Variants in SEM1 observed in about 807,000 individuals in gnomAD.
The protein encoded by SEM1 is 26S proteasome complex subunit SEM1.
Under a neutral mutation model 12.7 loss-of-function variants are expected in SEM1, and 3 were observed. That is an observed-to-expected ratio of 0.24 (90% CI 0.11 to 0.61). SEM1 has a LOEUF of 0.61. SEM1 is among the 20% of genes least tolerant of loss of function. The pLI, the probability that SEM1 is intolerant of heterozygous loss-of-function variation, is 0.88. For missense variants in SEM1, 59 were observed against 81.3 expected (o/e 0.73, Z 1.06); for synonymous variants, 30 against 27.8 (o/e 1.08, Z -0.25).
At chr7:96,636,572 G>A (rs1023187972) in intron 2 of SEM1, among the ~76,000 whole-genome samples, 1 of 152,004 alleles carries the variant, frequency 6.6e-6, no homozygotes. Flanking sequence ...TAAGTAACAT[G>A]TATAACCAGG....
chr7:96,551,211 G>A (rs1009831933), intron 2 of SEM1, among the ~76,000 whole-genome samples: 2 of 152,102 alleles, frequency 1.3e-5, no homozygotes, highest in African/African-American at 2.4e-5. Context: ...TTTTGGCCAC[G>A]TTTACCAAAA....
intron 2 of SEM1, among the ~76,000 whole-genome samples, chr7:96,626,169 C>A (rs945705408): frequency 6.6e-6 from 1 of 152,130 alleles, no homozygotes; most frequent in African/African-American, 2.4e-5. Flanking sequence ...CCCTTCCAAA[C>A]CCCCATTGAC....
intron 2 of SEM1, among the ~76,000 whole-genome samples, chr7:96,512,523 GC>G (rs1198490054): frequency 9.2e-5 from 14 of 152,070 alleles, no homozygotes; most frequent in African/African-American, 3.4e-4. Flanking sequence ...ATAATTTCTG[GC>G]TGTCCAAGTT....
At chr7:96,653,276 G>A (rs1809061313) in intron 2 of SEM1, among the ~76,000 whole-genome samples, 1 of 152,104 alleles carries the variant, frequency 6.6e-6, no homozygotes, top group Non-Finnish European at 1.5e-5. Flanking sequence ...TTTAAAAAAT[G>A]GAAGGTAGAT....
intron 2 of SEM1, among the ~76,000 whole-genome samples, chr7:96,665,385 T>G (rs2116547958): frequency 6.6e-6 from 1 of 152,304 alleles, no homozygotes; most frequent in Middle Eastern, 3.4e-3. Flanking sequence ...CGCCTAAAAA[T>G]ATGGCCTTGG....
At chr7:96,558,837 A>G (rs1805610271) in intron 2 of SEM1, among the ~76,000 whole-genome samples, 1 of 152,212 alleles carries the variant, frequency 6.6e-6, no homozygotes, top group Admixed American at 6.5e-5. Context: ...AAATTATTGC[A>G]TTTATTAAAG....
chr7:96,484,941 CT>C, intron 2 of SEM1: 1 of 754,368 alleles, frequency 1.3e-6, no homozygotes, highest in Non-Finnish European at 2.0e-6. Context: ...ACACCATATC[CT>C]ACAGTCAGCT....
chr7:96,507,538 C>T (rs1181374676), intron 2 of SEM1, among the ~76,000 whole-genome samples: 4 of 152,046 alleles, frequency 2.6e-5, no homozygotes. Context: ...GCAAGATGAC[C>T]ATTCTTAGTC....
intron 2 of SEM1, among the ~76,000 whole-genome samples, chr7:96,676,295 T>C (rs1452616199): frequency 1.3e-5 from 2 of 152,216 alleles, no homozygotes; most frequent in Admixed American, 1.3e-4. Context: ...TGGGCTCTTC[T>C]GCTGCCTTTC....
chr7:96,483,559 A>G (rs966744605), exon 4 of SEM1: 19 of 396,000 alleles, frequency 4.8e-5, no homozygotes, highest in East Asian at 1.2e-4. Context: ...TACAGACTCT[A>G]CTGGGCTCTA....
chr7:96,566,612 G>C (rs62471404), intron 2 of SEM1, among the ~76,000 whole-genome samples: 1 of 151,154 alleles, frequency 6.6e-6, no homozygotes, highest in Non-Finnish European at 1.5e-5. Flanking sequence ...TGAATTTATA[G>C]TATTCTATTG....
intron 2 of SEM1, among the ~76,000 whole-genome samples, chr7:96,656,006 C>T (rs1809168379): frequency 6.6e-6 from 1 of 152,202 alleles, no homozygotes; most frequent in Admixed American, 6.5e-5. Context: ...TTCACAGGAT[C>T]TAACAGAATC....
At chr7:96,687,575 T>C (rs1280090608), downstream of SEM1, among the ~76,000 whole-genome samples, 1 of 151,744 alleles carries the variant, frequency 6.6e-6, no homozygotes, top group Non-Finnish European at 1.5e-5. Context: ...TAGATGGGAA[T>C]TGAACAATGA....
chr7:96,492,758 CAT>C (rs1491289059), intron 1 of SEM1, among the ~76,000 whole-genome samples: 66 of 94,724 alleles, frequency 7.0e-4, no homozygotes, highest in Middle Eastern at 5.5e-3. Context: ...GAATAATATT[CAT>C]GTGTGTGTGT....
At chr7:96,660,011 A>G (rs565596458) in intron 2 of SEM1, among the ~76,000 whole-genome samples, 1 of 152,086 alleles carries the variant, frequency 6.6e-6, no homozygotes, top group South Asian at 2.1e-4. Context: ...AGAGTTTCAG[A>G]TTGGATAAAA....
chr7:96,583,841 CCTT>C (rs1806505913), intron 2 of SEM1, among the ~76,000 whole-genome samples: 1 of 150,494 alleles, frequency 6.6e-6, no homozygotes, highest in Non-Finnish European at 1.5e-5. Flanking sequence ...CTTCCTCCAT[CCTT>C]TTATTTTGAG....
chr7:96,676,643 T>C (rs373521942), intron 2 of SEM1, among the ~76,000 whole-genome samples: 1 of 152,184 alleles, frequency 6.6e-6, no homozygotes, highest in African/African-American at 2.4e-5. Context: ...CACGGAACGG[T>C]AAAGATGACA....
At chr7:96,697,895 T>C (rs1009010742) in intron 1 of SEM1, among the ~76,000 whole-genome samples, 9 of 152,096 alleles carry the variant, frequency 5.9e-5, no homozygotes, top group African/African-American at 1.9e-4. Flanking sequence ...CTTCTGTAGG[T>C]TATCATAATG....
chr7:96,696,489 G>A (rs555363689), intron 1 of SEM1: 3 of 151,940 alleles, frequency 2.0e-5, no homozygotes, highest in Non-Finnish European at 2.9e-5. Flanking sequence ...TAATGTCTAC[G>A]TAATAGCATA....
Sources: gnomAD v4.1 joint callset for allele counts (sites outside exome capture counted in the v4.1 genomes callset) on GRCh38, gnomAD v4.1.1 for gene constraint, MANE v1.5 for transcripts, NCBI Gene and HGNC (gene_info 2026-07-23, HGNC 2026-07-21) for gene names.